The following SP100 variants were observed in gnomAD, a reference collection of about 807,000 sequenced individuals.
SP100 encodes SP100 nuclear body protein, also known as nuclear autoantigen Sp-100.
Under a neutral mutation model 130.0 loss-of-function variants are expected in SP100, and 84 were observed. That is an observed-to-expected ratio of 0.65 (90% CI 0.54 to 0.77). The LOEUF (loss-of-function observed/expected upper bound fraction) is 0.77. Among genes scored for constraint, SP100 ranks in the 30% least tolerant of loss-of-function variants. The pLI, the probability that SP100 is intolerant of heterozygous loss-of-function variation, is 0.00. For synonymous variants in SP100, 331 were observed against 351.7 expected (o/e 0.94, Z 0.66); for missense variants, 978 against 1,052.2 (o/e 0.93, Z 0.97).
chr2:230,477,881 G>C (rs2065639190), intron 17 of SP100, among the ~76,000 whole-genome samples: 1 of 146,916 alleles, frequency 6.8e-6, no homozygotes, highest in Admixed American at 7.0e-5. Context: ...GTTGCAGTGA[G>C]CTGAGACTGC....
Position 230,511,181 on chromosome 2 carries a change from C to G in SP100, c.2094+15C>G. 6.3e-7 allele frequency: 1 copy of G among 1,583,870 alleles called. No homozygotes were observed. The highest frequency in any genetic ancestry group is 1.1e-5 in the South Asian group (1 of 90,480). On this transcript the variant is annotated intron_variant, in intron 24 of 28. Coordinates refer to ENST00000340126, the MANE Select transcript of SP100 (RefSeq NM_001080391.2). ...TTGACCCTTGTGTAAGTATAAATTT[C>G]CGACTATGACCCCAAAATAAGTCAG...
In SP100 at chr2:230,443,075, T is replaced by C; in HGVS notation, c.246T>C (p.Asp82=). The change falls in exon 3 of 29, where the codon GAT becomes GAC. Residue 82 remains aspartate (D), a synonymous_variant. Transcript: ENST00000340126. ...TCCTCGAGGGCCTCCGTGATCGTGA[T>C]CTCATCACAAATAAAATGTTTGAAG... ...FPFLEGLRDR[D]LITNKMFEDS... 1.2e-6 allele frequency: 2 copies of C among 1,614,082 alleles called. No homozygotes were observed. The highest frequency in any genetic ancestry group is 1.7e-5 in the Admixed American group (1 of 59,992).
intron 24 of SP100, among the ~76,000 whole-genome samples, chr2:230,532,618 A>G (rs977599588): frequency 1.3e-5 from 2 of 152,136 alleles, no homozygotes; most frequent in African/African-American, 4.8e-5. Context: ...TGTACTTGAA[A>G]ACAAAATATC....
intron 24 of SP100, among the ~76,000 whole-genome samples, chr2:230,522,805 T>TA: frequency 6.6e-6 from 1 of 151,864 alleles, no homozygotes; most frequent in Admixed American, 6.6e-5. Context: ...TTCTATTTTT[T>TA]AAAAAATATT....
chr2:230,508,835 A>G (rs1690336954), intron 23 of SP100: 1 of 152,038 alleles, frequency 6.6e-6, no homozygotes, highest in Non-Finnish European at 1.5e-5. Flanking sequence ...AATTCCCCCT[A>G]AAATGTATAT....
At chr2:230,434,429 A>G (rs2149882603) in intron 2 of SP100, among the ~76,000 whole-genome samples, 2 of 152,348 alleles carry the variant, frequency 1.3e-5, no homozygotes, top group Middle Eastern at 6.8e-3. Context: ...TATTTATGGA[A>G]CACCTTGTAT....
chr2:230,420,113 TG>T (rs2149854349), intron 2 of SP100, among the ~76,000 whole-genome samples: 1 of 152,208 alleles, frequency 6.6e-6, no homozygotes, highest in East Asian at 1.9e-4. Flanking sequence ...GGGACCTTGT[TG>T]GGTCGCTTTA....
chr2:230,533,077 G>A (rs761667557), intron 24 of SP100, among the ~76,000 whole-genome samples: 6 of 152,192 alleles, frequency 3.9e-5, no homozygotes, highest in Admixed American at 6.5e-5. Flanking sequence ...CACCGTGCCC[G>A]GCCCTGATGC....
chr2:230,469,250 T>C (rs1288991404), intron 14 of SP100, among the ~76,000 whole-genome samples, 154 bp downstream of exon 14: 1 of 152,242 alleles, frequency 6.6e-6, no homozygotes, highest in Non-Finnish European at 1.5e-5. Flanking sequence ...TGAGTTGGGC[T>C]GGTATAAAAC....
chr2:230,474,775 A>G (rs1385706213), intron 17 of SP100, among the ~76,000 whole-genome samples: 1 of 152,112 alleles, frequency 6.6e-6, no homozygotes, highest in Non-Finnish European at 1.5e-5. Context: ...GTAAGTAAGA[A>G]CATGCAGTAT....
At chr2:230,466,742 G>A (rs1476273038) in intron 12 of SP100, among the ~76,000 whole-genome samples, 2 of 152,120 alleles carry the variant, frequency 1.3e-5, no homozygotes, top group African/African-American at 4.8e-5. Flanking sequence ...TTTCATGGTT[G>A]CCCTGAGAGA....
At position 230,514,954 on chromosome 2, in the gene SP100, T is replaced by C; in HGVS notation, c.2094+3788T>C. The C allele has an allele frequency of 2.0e-5, 28 of 1,405,274 alleles. 1 individual carries two copies. The South Asian group carries it at 3.7e-4, about 19-fold the overall frequency. 87.1% of individuals were successfully genotyped at this position (1,405,274 alleles called of 1,614,324 possible). Reference sequence around the variant, plus strand: ...AGTACATTGAGCTCCATAGAGATAGTGCTGGCGCAAGTGAGAGCTGGACAG... The same window carrying C: ...AGTACATTGAGCTCCATAGAGATAGCGCTGGCGCAAGTGAGAGCTGGACAG... On this transcript the variant is annotated intron_variant, in intron 24 of 28. Coordinates refer to ENST00000340126, the MANE Select transcript of SP100 (RefSeq NM_001080391.2).
rs1422728319 is a variant in SP100 at position 230,464,063 on chromosome 2, G to A, written c.1058-4G>A. 6.2e-7 allele frequency: 1 copy of A among 1,602,088 alleles called. No homozygotes were observed. The highest frequency in any genetic ancestry group is 8.6e-7 in the Non-Finnish European group (1 of 1,169,258). ...CCTCTAAAGAATCCCATTCTTTTGT[G>A]CAGTGATCAATAATGACAACCCTTT... On this transcript the variant is annotated splice_region_variant and splice_polypyrimidine_tract_variant and intron_variant, in intron 10 of 28. Coordinates refer to ENST00000340126, the MANE Select transcript of SP100 (RefSeq NM_001080391.2).
chr2:230,439,435 G>C (rs562857560), intron 2 of SP100, among the ~76,000 whole-genome samples: 1 of 152,132 alleles, frequency 6.6e-6, no homozygotes, highest in Non-Finnish European at 1.5e-5. Context: ...CATGAGCATG[G>C]AATGTGTTTC....
intron 24 of SP100, chr2:230,538,048 A>G (rs1445953101): frequency 6.6e-6 from 1 of 152,244 alleles, no homozygotes; most frequent in Non-Finnish European, 1.5e-5. Context: ...TTGACTGCAC[A>G]TTAGAACCAT....
intron 18 of SP100, among the ~76,000 whole-genome samples, chr2:230,495,355 C>G (rs151225041): frequency 6.6e-6 from 1 of 152,148 alleles, no homozygotes; most frequent in Admixed American, 6.6e-5. Context: ...TGGAGTCTGG[C>G]TCTGTCACCC....
At chr2:230,477,090 C>T (rs2150008215) in intron 17 of SP100, among the ~76,000 whole-genome samples, 1 of 152,284 alleles carries the variant, frequency 6.6e-6, no homozygotes, top group East Asian at 1.9e-4. Flanking sequence ...TGGTCTCGAT[C>T]TCCTGACCTT....
At chr2:230,521,167 A>G (rs940103329) in intron 24 of SP100, among the ~76,000 whole-genome samples, 2 of 152,162 alleles carry the variant, frequency 1.3e-5, no homozygotes, top group African/African-American at 4.8e-5. Context: ...TGTCATGTGG[A>G]TGCAGAGAAA....
intron 17 of SP100, among the ~76,000 whole-genome samples, chr2:230,483,614 G>C (rs2065932639): frequency 6.6e-6 from 1 of 152,134 alleles, no homozygotes; most frequent in South Asian, 2.1e-4. Flanking sequence ...GGCAAGGATG[G>C]GGCAGGAGTA....
Sources: gnomAD v4.1 joint callset for allele counts (sites outside exome capture counted in the v4.1 genomes callset) on GRCh38, gnomAD v4.1.1 for gene constraint, MANE v1.5 for transcripts, NCBI Gene and HGNC (gene_info 2026-07-23, HGNC 2026-07-21) for gene names.